The following M1AP variants were observed in gnomAD, a reference collection of about 807,000 sequenced individuals.
M1AP encodes the protein meiosis 1 arrest protein.
In M1AP, 39 loss-of-function variants were observed where a neutral mutation model predicts 51.2. That is an observed-to-expected ratio of 0.76 (90% CI 0.59 to 1.00). The LOEUF (loss-of-function observed/expected upper bound fraction) is 1.00. M1AP is among the 50% of genes least tolerant of loss of function. M1AP has a pLI of 0.00. For missense variants in M1AP, 545 were observed against 641.2 expected, an observed-to-expected ratio of 0.85 and a Z score of 1.62; for synonymous variants, 251 against 249.2, an observed-to-expected ratio of 1.01 and a Z score of -0.07.
At chr2:74,641,668 G>T (rs1028006373) in intron 1 of M1AP, among the ~76,000 whole-genome samples, 2 of 150,952 alleles carry the variant, frequency 1.3e-5, no homozygotes, top group Non-Finnish European at 2.9e-5. Flanking sequence ...TAGAGATGGG[G>T]TCTTGCCATG....
At chr2:74,583,723 G>T (rs1679546943) in intron 4 of M1AP, among the ~76,000 whole-genome samples, 3 of 152,196 alleles carry the variant, frequency 2.0e-5, no homozygotes, top group Admixed American at 2.0e-4. Flanking sequence ...TTTCTAGAAT[G>T]ACATTCCTGA....
intron 10 of M1AP, among the ~76,000 whole-genome samples, chr2:74,559,269 C>G (rs754609165): frequency 6.6e-6 from 1 of 152,118 alleles, no homozygotes; most frequent in African/African-American, 2.4e-5. Context: ...AGCAATCCCC[C>G]GACCTTAGCC....
intron 2 of M1AP, among the ~76,000 whole-genome samples, chr2:74,619,880 T>C (rs1428757839): frequency 6.6e-6 from 1 of 152,204 alleles, no homozygotes; most frequent in East Asian, 1.9e-4. Flanking sequence ...TTTATTCTGA[T>C]ACATTCTTGG....
chr2:74,631,116 A>C (rs1389116783), intron 2 of M1AP, among the ~76,000 whole-genome samples: 2 of 152,094 alleles, frequency 1.3e-5, no homozygotes, highest in Admixed American at 6.5e-5. Context: ...AAAACAACAG[A>C]TTTGCTTTGT....
chr2:74,577,547 G>A (rs747125749), intron 5 of M1AP, among the ~76,000 whole-genome samples: 1 of 152,226 alleles, frequency 6.6e-6, no homozygotes, highest in Non-Finnish European at 1.5e-5. Flanking sequence ...ACTGCAATAT[G>A]AGGTAAAAAA....
At chr2:74,575,648 A>G in intron 6 of M1AP, 69 bp from the exon 7 acceptor site, 2 of 1,249,458 alleles carry the variant, frequency 1.6e-6, no homozygotes, top group South Asian at 1.3e-5. Context: ...ATCCACTTCA[A>G]TTCAGCTTAA....
intron 2 of M1AP, among the ~76,000 whole-genome samples, chr2:74,637,285 GT>G (rs2104829236): frequency 6.6e-6 from 1 of 152,206 alleles, no homozygotes; most frequent in African/African-American, 2.4e-5. Context: ...CTCTCTAAAA[GT>G]TTGATTTGGA....
At position 74,585,544 on chromosome 2, in the gene M1AP, C is replaced by T. The variant is rs546562032; in HGVS notation, c.596-3697G>A. Among the ~76,000 whole-genome samples the T allele has an allele frequency of 3.9e-5, 6 of 152,274 alleles. No individual in the cohort carries two copies. The South Asian group carries it at 1.2e-3, about 32-fold the overall frequency. ...AGGCAGCAGTCTTCCCTGTTGTCAC[C>T]CATCGATGTTCTGACATTCTTTTCT... On this transcript the variant is annotated intron_variant, in intron 4 of 10. Coordinates refer to ENST00000421985, the MANE Select transcript of M1AP (RefSeq NM_001321739.2).
At chr2:74,611,858 GA>G (rs949060924) in intron 3 of M1AP, among the ~76,000 whole-genome samples, 1 of 55,586 alleles carries the variant, frequency 1.8e-5, no homozygotes, top group African/African-American at 6.9e-5. Flanking sequence ...AAAACAGACA[GA>G]AAAAAAACAA....
intron 3 of M1AP, among the ~76,000 whole-genome samples, chr2:74,611,090 AG>A (rs1203076833): frequency 1.3e-5 from 2 of 152,138 alleles, no homozygotes; most frequent in African/African-American, 4.8e-5. Flanking sequence ...AAATATTTTA[AG>A]GGTTTTTGCA....
Position 74,576,569 on chromosome 2 carries a change from G to A in M1AP, c.819C>T (p.Leu273=), listed in dbSNP as rs200361166. ...TCAAGGAGCCGTCAGCTGTGCCAGC[G>A]AGTAGGGATGGGCAGAGCAGTCGCT... The part of the protein sequence containing the change: ...LQERLLCPSL[L]AGTADGSLRM... The change falls in exon 6 of 11, where the codon CTC becomes CTT. Residue 273 remains leucine, a synonymous_variant. Transcript: ENST00000421985. The A allele has an allele frequency of 3.5e-5, 56 of 1,613,974 alleles. No individual in the cohort carries two copies. In the East Asian group the frequency reaches 3.8e-4, roughly 11 times the overall value.
intron 4 of M1AP, among the ~76,000 whole-genome samples, chr2:74,593,973 G>A (rs1048328708): frequency 3.3e-5 from 5 of 152,178 alleles, no homozygotes; most frequent in African/African-American, 9.7e-5. Flanking sequence ...GAGCCGGAGC[G>A]CCCTAAATTA....
intron 2 of M1AP, among the ~76,000 whole-genome samples, chr2:74,617,190 T>C (rs1558684447): frequency 6.6e-6 from 1 of 152,218 alleles, no homozygotes; most frequent in Non-Finnish European, 1.5e-5. Flanking sequence ...ATTGTTCTAA[T>C]TATGTGTCTG....
chr2:74,562,653 A>G (rs1318079230), intron 7 of M1AP, among the ~76,000 whole-genome samples: 3 of 152,290 alleles, frequency 2.0e-5, no homozygotes, highest in African/African-American at 4.8e-5. Flanking sequence ...AGGGTCAACA[A>G]TGGAGAGAAA....
intron 2 of M1AP, among the ~76,000 whole-genome samples, chr2:74,637,125 A>G (rs908860381): frequency 8.5e-5 from 13 of 152,174 alleles, no homozygotes; most frequent in African/African-American, 3.1e-4. Flanking sequence ...TGTTCTATCC[A>G]TTTAAAAAAA....
At chr2:74,617,650 C>A (rs1573154748) in intron 2 of M1AP, among the ~76,000 whole-genome samples, 1 of 152,182 alleles carries the variant, frequency 6.6e-6, no homozygotes. Flanking sequence ...TATGTACCTG[C>A]ACATGCACCC....
At chr2:74,622,559 T>C (rs1682118711) in intron 2 of M1AP, among the ~76,000 whole-genome samples, 1 of 151,040 alleles carries the variant, frequency 6.6e-6, no homozygotes, top group Non-Finnish European at 1.5e-5. Context: ...TTTTTTTTTT[T>C]TTTTCTATTT....
In M1AP at chr2:74,612,284, T is replaced by C. The variant is rs149876153; in HGVS notation, c.426+2680A>G. 7.7e-3 allele frequency among the ~76,000 whole-genome samples: 1,175 copies of C among 152,150 alleles called. 12 individuals carry two copies. Among genetic ancestry groups the C allele is most frequent in the African/African-American group, 0.026 (1,087 of 41,502 alleles). ...CCCAGGCTGCAATGCAGTGGTGTGA[T>C]CATAGCTCACTGCAGCCTCAAACTC... On this transcript the variant is annotated intron_variant, in intron 3 of 10. Coordinates refer to ENST00000421985, the MANE Select transcript of M1AP (RefSeq NM_001321739.2).
At chr2:74,589,598 G>A (rs1483420375) in intron 4 of M1AP, among the ~76,000 whole-genome samples, 1 of 152,166 alleles carries the variant, frequency 6.6e-6, no homozygotes, top group African/African-American at 2.4e-5. Flanking sequence ...CAGCTTTACC[G>A]CTTATGCTTT....
Sources: allele counts gnomAD v4.1 joint callset (sites outside exome capture counted in the v4.1 genomes callset), GRCh38; gene constraint gnomAD v4.1.1; transcripts MANE v1.5; gene names NCBI Gene and HGNC (gene_info 2026-07-23, HGNC 2026-07-21).